The following SPTAN1 variants were observed in gnomAD, a reference collection of about 807,000 sequenced individuals.
SPTAN1 encodes spectrin alpha chain, non-erythrocytic 1.
SPTAN1 carries 61 observed loss-of-function variants against 331.3 expected under a neutral mutation model. The ratio of observed to expected loss-of-function variants is 0.18; its 90% CI spans 0.15 to 0.23. The LOEUF (loss-of-function observed/expected upper bound fraction) is 0.23. Ranked by LOEUF, SPTAN1 falls within the 10% of genes least tolerant of loss-of-function variation. The pLI is 1.00. For missense variants in SPTAN1, 2,043 were observed against 3,147.9 expected (o/e 0.65, Z 8.40); for synonymous variants, 1,153 against 1,173.9 (o/e 0.98, Z 0.36).
chr9:128,589,319 C>T (rs139015346), intron 21 of SPTAN1, among the ~76,000 whole-genome samples: 3,316 of 131,752 alleles, frequency 0.025, 139 homozygotes, highest in African/African-American at 0.088. Flanking sequence ...GACAGAGTCT[C>T]GCTCTGTCAC....
chr9:128,597,959 TG>T (rs1048912899), intron 24 of SPTAN1, among the ~76,000 whole-genome samples: 9 of 151,742 alleles, frequency 5.9e-5, no homozygotes, highest in African/African-American at 2.2e-4. Flanking sequence ...TGTTTTGTTT[TG>T]TTTTTGAGAT....
chr9:128,626,031 C>T (rs1589387119), intron 48 of SPTAN1, 53 bp downstream of exon 48: 1 of 1,600,974 alleles, frequency 6.2e-7, no homozygotes, highest in Non-Finnish European at 8.5e-7. Flanking sequence ...AGGAAGGACG[C>T]CCACCTTCTG....
intron 1 of SPTAN1, among the ~76,000 whole-genome samples, chr9:128,559,572 A>G (rs996256165): frequency 6.6e-6 from 1 of 152,126 alleles, no homozygotes; most frequent in Non-Finnish European, 1.5e-5. Flanking sequence ...CCTTCCTTGG[A>G]AAATTTCTTT....
Position 128,566,976 on chromosome 9 carries a change from A to AGGTACGTC in SPTAN1, c.237_237+7dup, listed in dbSNP as rs1850105278. 6.2e-7 allele frequency: 1 copy of AGGTACGTC among 1,613,968 alleles called. No homozygotes were observed. On this transcript the variant is annotated frameshift_variant and splice_region_variant, in exon 2 of 57. Coordinates refer to ENST00000372739, the MANE Select transcript of SPTAN1 (RefSeq NM_001130438.3). LOFTEE classifies it high-confidence loss of function. ...AATTATAAAGACCCAACCAACTTGC[A>AGGTACGTC]GGTACGTCTGATCTCCTGGGATTCC...
Position 128,607,942 on chromosome 9 carries a change from A to C in SPTAN1, c.4237A>C (p.Ser1413Arg), listed in dbSNP as rs1340235337. The C allele has an allele frequency of 7.4e-6, 12 of 1,614,096 alleles. No individual in the cohort carries two copies. The highest frequency in any genetic ancestry group is 1.0e-5 in the Non-Finnish European group (12 of 1,180,010). ...GCTGTTGGCTCACGGACACTATGCC[A>C]GCCCTGAGATCAAGCAGAAACTTGA... ...QQLLAHGHYASPEIKQKLDIL... is the reference protein window; with the variant it reads ...QQLLAHGHYARPEIKQKLDIL... Residue 1413 changes from serine (S) to arginine (R), a missense_variant, in exon 33 of 57, where the codon AGC (serine) becomes CGC (arginine). Physicochemically the swap from Ser to Arg is moderately radical, Grantham distance 110 (BLOSUM62 -1). Coordinates refer to ENST00000372739, the MANE Select transcript of SPTAN1 (RefSeq NM_001130438.3).
At chr9:128,561,659 T>A (rs1266034676) in intron 1 of SPTAN1, among the ~76,000 whole-genome samples, 1 of 2,272 alleles carries the variant, frequency 4.4e-4, no homozygotes, top group African/African-American at 5.5e-4. Flanking sequence ...CGAGACTCCG[T>A]CTCAAAAAAA....
chr9:128,605,539 T>G, intron 31 of SPTAN1, 62 bp downstream of exon 31: 1 of 1,598,288 alleles, frequency 6.3e-7, no homozygotes, highest in East Asian at 2.2e-5. Context: ...GGGTCATTTT[T>G]ATTGTGAAAA....
intron 37 of SPTAN1, 32 bp downstream of exon 37, chr9:128,609,697 TA>T: frequency 7.0e-7 from 1 of 1,436,710 alleles, no homozygotes. Context: ...GAGTTGTAGT[TA>T]AATGAGCTCC....
chr9:128,587,086 C>T (rs1016072427), intron 19 of SPTAN1, among the ~76,000 whole-genome samples: 4 of 148,846 alleles, frequency 2.7e-5, no homozygotes, highest in Admixed American at 6.7e-5. Flanking sequence ...CTCGCAAAGT[C>T]CTGGGATTAC....
rs1340610295 is a variant in SPTAN1, at chr9:128,582,542, A to G, written c.1636A>G (p.Thr546Ala). The G allele has an allele frequency of 6.2e-7, 1 of 1,613,906 alleles. No individual in the cohort carries two copies. The change falls in exon 13 of 57, where the codon ACT becomes GCT. Residue 546 changes from threonine to alanine, a missense_variant. Thr to Ala is a moderately conservative substitution (Grantham distance 58). Transcript: ENST00000372739. ...NNHYAMEDVA[T>A]RRDALLSRRN... ...CCACTATGCAATGGAAGATGTGGCC[A>G]CTCGCCGAGATGCTGTAAGTTTGTA...
In SPTAN1 at chr9:128,627,888, A is replaced by G. The variant is rs763110402; in HGVS notation, c.6690-37A>G. 6.2e-7 allele frequency: 1 copy of G among 1,613,776 alleles called. No homozygotes were observed. The highest frequency in any genetic ancestry group is 8.5e-7 in the Non-Finnish European group (1 of 1,179,822). On this transcript the variant is annotated intron_variant, in intron 50 of 56. Transcript: ENST00000372739. This position sits in a 1 kb window ranked among gnomAD's most constrained non-coding sequence, Gnocchi z 4.9. The stretch of plus-strand genomic sequence containing the variant: ...CGATTGCTGCTGTTGTCCGGACACC[A>G]CCTTGTCTCCCGGCTGCTTGGATCT...
chr9:128,606,783 G>T (rs1855948963), intron 31 of SPTAN1, among the ~76,000 whole-genome samples: 1 of 152,046 alleles, frequency 6.6e-6, no homozygotes, highest in African/African-American at 2.4e-5. Flanking sequence ...ACTGCGCCTG[G>T]TTGTCTTTTT....
chr9:128,625,684 G>A lies in SPTAN1; in HGVS notation c.6070-85G>A, dbSNP rs937764059. 99 of 1,310,782 alleles carry A rather than the reference G, an allele frequency of 7.6e-5. No individual in the cohort carries two copies. Among genetic ancestry groups the A allele is most frequent in the Non-Finnish European group, 1.1e-5 (10 of 914,004 alleles). 81.2% of individuals were successfully genotyped at this position (1,310,782 alleles called of 1,614,324 possible). On this transcript the variant is annotated intron_variant, in intron 47 of 56. Transcript: ENST00000372739. This position sits in a 1 kb window ranked among gnomAD's most constrained non-coding sequence, Gnocchi z 4.1. ...GACAGTTTGGCTTGGGCATCTGGGG[G>A]ACATGCTGGTGCCATCTGAGCCTAG... is the stretch of plus-strand genomic sequence containing the variant.
intron 10 of SPTAN1, 135 bp downstream of exon 10, chr9:128,579,873 G>A (rs1589198010): frequency 1.3e-6 from 1 of 777,880 alleles, no homozygotes; most frequent in Non-Finnish European, 2.2e-6. Context: ...TCTCTGCAGA[G>A]GTTTAAAAAG....
intron 3 of SPTAN1, among the ~76,000 whole-genome samples, chr9:128,571,369 G>A (rs1407532730): frequency 6.6e-6 from 1 of 151,940 alleles, no homozygotes; most frequent in East Asian, 1.9e-4. Context: ...CGGATCATCT[G>A]AGGTCAGGAG....
At chr9:128,620,938 C>T (rs1049948612) in intron 44 of SPTAN1, among the ~76,000 whole-genome samples, 1 of 152,144 alleles carries the variant, frequency 6.6e-6, no homozygotes, top group Non-Finnish European at 1.5e-5. Flanking sequence ...AAGCCTGTCC[C>T]ACCACTGCTG....
chr9:128,604,453 C>T (rs754757547), intron 29 of SPTAN1, 36 bp downstream of exon 29: 1 of 1,586,872 alleles, frequency 6.3e-7, no homozygotes, highest in East Asian at 2.3e-5. Context: ...GAGGGAGAAA[C>T]AGGTGACTGC....
chr9:128,631,035 G>A (rs1295883405), intron 52 of SPTAN1, among the ~76,000 whole-genome samples: 2 of 151,952 alleles, frequency 1.3e-5, no homozygotes, highest in African/African-American at 4.8e-5. Flanking sequence ...AGTAGAGACA[G>A]TGTTTTGCCT....
chr9:128,598,393 T>C lies in SPTAN1; in HGVS notation c.3415-7T>C. On this transcript the variant is annotated splice_polypyrimidine_tract_variant and splice_region_variant and intron_variant, in intron 24 of 56. Coordinates refer to ENST00000372739, the MANE Select transcript of SPTAN1 (RefSeq NM_001130438.3). ...GGGTTTTAGTTATTATGGCTTTTGC[T>C]TTAAAGGACCTGAAGGCCAATGAGT... 1 of 1,611,346 alleles carries C rather than the reference T, an allele frequency of 6.2e-7. No individual in the cohort carries two copies. Among genetic ancestry groups the C allele is most frequent in the Non-Finnish European group, 8.5e-7 (1 of 1,178,990 alleles).
Sources: allele counts gnomAD v4.1 joint callset (sites outside exome capture counted in the v4.1 genomes callset), GRCh38; gene constraint gnomAD v4.1.1; non-coding constraint Gnocchi (gnomAD v3.1); transcripts MANE v1.5; gene names NCBI Gene and HGNC (gene_info 2026-07-23, HGNC 2026-07-21).